The following RBFOX3 variants were observed in gnomAD, a reference collection of about 807,000 sequenced individuals.
RBFOX3 encodes RNA binding fox-1 homolog 3.
In RBFOX3, 17 loss-of-function variants were observed where a neutral mutation model predicts 48.7. The ratio of observed to expected loss-of-function variants is 0.35; its 90% CI spans 0.24 to 0.52. The LOEUF is 0.52. Ranked by LOEUF, RBFOX3 falls within the 20% of genes least tolerant of loss-of-function variation. RBFOX3 has a pLI of 0.94. For missense variants in RBFOX3, 382 were observed against 497.5 expected, an observed-to-expected ratio of 0.77 and a Z score of 2.21; for synonymous variants, 212 against 209.5, an observed-to-expected ratio of 1.01 and a Z score of -0.10.
At chr17:79,545,843 G>A (rs1555791712) in intron 1 of RBFOX3, among the ~76,000 whole-genome samples, 1 of 152,172 alleles carries the variant, frequency 6.6e-6, no homozygotes, top group Non-Finnish European at 1.5e-5. Context: ...ACTCAACCCC[G>A]CCAGCTCACT....
At chr17:79,098,330 G>C (rs1046359139) in intron 9 of RBFOX3, 1 of 154,138 alleles carries the variant, frequency 6.5e-6, no homozygotes, top group Non-Finnish European at 1.4e-5. Flanking sequence ...GGTGGCCTGG[G>C]AGCAGGTCGA....
At chr17:79,404,006 C>T (rs1270681189) in intron 2 of RBFOX3, among the ~76,000 whole-genome samples, 1 of 152,136 alleles carries the variant, frequency 6.6e-6, no homozygotes, top group Non-Finnish European at 1.5e-5. Flanking sequence ...TCTTGATCTC[C>T]TGACCTCGTG....
intron 1 of RBFOX3, among the ~76,000 whole-genome samples, chr17:79,524,340 T>C (rs1485727004): frequency 2.0e-5 from 3 of 152,118 alleles, no homozygotes; most frequent in Non-Finnish European, 4.4e-5. Context: ...GGCAAACAGC[T>C]TCACAGGAGT....
Position 79,567,720 on chromosome 17 carries a change from G to A in RBFOX3, c.-320+43106C>T, listed in dbSNP as rs976604862. ...CTTGTCCGTACCTCTTAGGGCTGTCGTAAGGATTTGCTGAGATGCTACGTG... is the reference window on the plus strand; with the variant it reads ...CTTGTCCGTACCTCTTAGGGCTGTCATAAGGATTTGCTGAGATGCTACGTG... On this transcript the variant is annotated intron_variant, in intron 1 of 14. Transcript: ENST00000693108. 5.9e-5 allele frequency among the ~76,000 whole-genome samples: 9 copies of A among 152,284 alleles called. No individual in the cohort carries two copies. The East Asian group carries it at 1.2e-3, about 20-fold the overall frequency.
At chr17:79,224,885 C>T (rs971274731) in intron 4 of RBFOX3, among the ~76,000 whole-genome samples, 9 of 152,208 alleles carry the variant, frequency 5.9e-5, no homozygotes, top group African/African-American at 2.2e-4. Flanking sequence ...GTGAATTTCA[C>T]CCCTGGTGCT....
intron 2 of RBFOX3, among the ~76,000 whole-genome samples, chr17:79,325,799 G>T (rs1568045441): frequency 6.6e-6 from 1 of 152,100 alleles, no homozygotes; most frequent in African/African-American, 2.4e-5. Context: ...ATTCCTGACG[G>T]CTGGACTGCT....
chr17:79,326,154 G>A (rs2079285191), intron 2 of RBFOX3, among the ~76,000 whole-genome samples: 1 of 152,188 alleles, frequency 6.6e-6, no homozygotes, highest in Non-Finnish European at 1.5e-5. Flanking sequence ...GGCATTGGGG[G>A]TAAGGGCATC....
intron 2 of RBFOX3, among the ~76,000 whole-genome samples, chr17:79,394,797 C>A (rs1352833861): frequency 6.6e-6 from 1 of 152,224 alleles, no homozygotes; most frequent in East Asian, 1.9e-4. Flanking sequence ...GGAGCCACAG[C>A]TCTGCCCCAC....
At chr17:79,093,971 C>T (rs1474300648) in intron 14 of RBFOX3, among the ~76,000 whole-genome samples, 2 of 152,126 alleles carry the variant, frequency 1.3e-5, no homozygotes, top group African/African-American at 4.8e-5. Context: ...TGAGAAGCAA[C>T]CGGTAACCCA....
intron 2 of RBFOX3, among the ~76,000 whole-genome samples, chr17:79,316,476 T>A (rs566493392): frequency 2.0e-5 from 3 of 152,316 alleles, no homozygotes; most frequent in African/African-American, 7.2e-5. Flanking sequence ...AGCCAGGGAC[T>A]GTTACTCAGG....
intron 1 of RBFOX3, among the ~76,000 whole-genome samples, chr17:79,595,783 G>C (rs1366213249): frequency 6.6e-6 from 1 of 152,194 alleles, no homozygotes; most frequent in African/African-American, 2.4e-5. Flanking sequence ...CAGATTCTTG[G>C]ATTCTGCAAA....
the RBFOX3 span, among the ~76,000 whole-genome samples, chr17:79,653,164 C>G: frequency 6.6e-6 from 1 of 152,156 alleles, no homozygotes; most frequent in African/African-American, 2.4e-5. Flanking sequence ...TCCACTAAGG[C>G]CAAGCAGTAA....
intron 3 of RBFOX3, among the ~76,000 whole-genome samples, chr17:79,293,321 T>TTTCCTTCCCTGCCTCCCTCCC: frequency 6.6e-6 from 1 of 150,398 alleles, no homozygotes; most frequent in South Asian, 2.1e-4. Context: ...TCCTTCCTTC[T>TTTCCTTCCCTGCCTCCCTCCC]TTCCTTCCCT....
intron 12 of RBFOX3, 26 bp from the exon 13 acceptor site, chr17:79,095,600 AGCAGAGGGACTTAGTGGG>A: frequency 6.5e-7 from 1 of 1,547,098 alleles, no homozygotes; most frequent in Non-Finnish European, 8.7e-7. Context: ...GAGGAGAGAG[AGCAGAGGGACTTAGTGGG>A]GCTCCCCAGG....
chr17:79,410,060 C>A (rs1007031601), intron 2 of RBFOX3, among the ~76,000 whole-genome samples: 1 of 152,230 alleles, frequency 6.6e-6, no homozygotes, highest in African/African-American at 2.4e-5. Context: ...CCGCCTGCTC[C>A]TCTCCACTGC....
At chr17:79,502,811 C>T (rs2082558501) in intron 1 of RBFOX3, among the ~76,000 whole-genome samples, 1 of 152,212 alleles carries the variant, frequency 6.6e-6, no homozygotes, top group South Asian at 2.1e-4. Context: ...GGCCCGGCCT[C>T]CCCACTCCCT....
intron 4 of RBFOX3, among the ~76,000 whole-genome samples, chr17:79,140,489 G>T (rs1197699901): frequency 1.3e-5 from 2 of 152,254 alleles, no homozygotes; most frequent in Admixed American, 6.5e-5. Flanking sequence ...CCTGCTGCAG[G>T]CTGGCACCGG....
intron 1 of RBFOX3, among the ~76,000 whole-genome samples, chr17:79,501,727 G>C (rs2149737969): frequency 6.6e-6 from 1 of 152,274 alleles, no homozygotes; most frequent in African/African-American, 2.4e-5. Context: ...ATCCTTCAAA[G>C]CCTCACTGTC....
intron 3 of RBFOX3, chr17:79,298,500 A>T (rs1232830829): frequency 6.6e-6 from 1 of 152,280 alleles, no homozygotes. Context: ...CCAAGGGTGC[A>T]GCGGTCAACA....
Sources: gnomAD v4.1 joint callset for allele counts (sites outside exome capture counted in the v4.1 genomes callset) on GRCh38, gnomAD v4.1.1 for gene constraint, MANE v1.5 for transcripts, NCBI Gene and HGNC (gene_info 2026-07-23, HGNC 2026-07-21) for gene names.